The following CHMP5 variants were observed in gnomAD, a reference collection of about 807,000 sequenced individuals.
CHMP5 encodes the protein SNF7 domain containing 2.
Under a neutral mutation model 33.0 loss-of-function variants are expected in CHMP5, and 17 were observed. The observed-to-expected ratio is 0.52, with a 90% CI of 0.35 to 0.77. CHMP5 has a LOEUF of 0.77. Ranked by LOEUF, CHMP5 falls within the 30% of genes least tolerant of loss-of-function variation. The pLI, the probability that CHMP5 is intolerant of heterozygous loss-of-function variation, is 0.01. For missense variants in CHMP5, 216 were observed against 261.5 expected (o/e 0.83, Z 1.20); for synonymous variants, 76 against 90.2 (o/e 0.84, Z 0.89).
At chr9:33,265,221 C>T in intron 1 of CHMP5, 74 bp downstream of exon 1, 2 of 1,334,242 alleles carry the variant, frequency 1.5e-6, no homozygotes, top group South Asian at 2.3e-5. Context: ...CAGCCCCGGG[C>T]CCATATTCTT....
intron 3 of CHMP5, among the ~76,000 whole-genome samples, chr9:33,270,285 T>C (rs529049253): frequency 7.2e-5 from 11 of 152,186 alleles, no homozygotes; most frequent in Non-Finnish European, 1.6e-4. Flanking sequence ...ATAGCTTAGG[T>C]GAATAGTGGG....
chr9:33,271,831 C>G (rs1820797653), intron 5 of CHMP5, among the ~76,000 whole-genome samples: 1 of 152,074 alleles, frequency 6.6e-6, no homozygotes, highest in Non-Finnish European at 1.5e-5. Flanking sequence ...CAATGCCTGG[C>G]CTATGATAAG....
chr9:33,274,471 G>T (rs1177080523), intron 5 of CHMP5, among the ~76,000 whole-genome samples: 1 of 152,154 alleles, frequency 6.6e-6, no homozygotes, highest in Non-Finnish European at 1.5e-5. Context: ...GTTCCTGTCT[G>T]TGTGGAATTT....
chr9:33,277,621 T>A (rs1045942275), intron 6 of CHMP5, among the ~76,000 whole-genome samples: 2 of 152,174 alleles, frequency 1.3e-5, no homozygotes, highest in Non-Finnish European at 2.9e-5. Flanking sequence ...GTGGACAGAT[T>A]GAAGACATCT....
chr9:33,266,886 T>C (rs1231594289), intron 2 of CHMP5, among the ~76,000 whole-genome samples: 1 of 152,196 alleles, frequency 6.6e-6, no homozygotes, highest in Non-Finnish European at 1.5e-5. Flanking sequence ...TATTTTCCAC[T>C]CCTGTTAGGT....
intron 6 of CHMP5, among the ~76,000 whole-genome samples, chr9:33,277,190 CAAAAAAAAAA>C (rs59657807): frequency 3.7e-5 from 2 of 53,378 alleles, no homozygotes; most frequent in Admixed American, 2.1e-4. Flanking sequence ...GACCTTCTCT[CAAAAAAAAAA>C]AAAAAAAAAA....
intron 5 of CHMP5, among the ~76,000 whole-genome samples, chr9:33,276,184 C>A (rs1010429651): frequency 6.6e-6 from 1 of 152,120 alleles, no homozygotes; most frequent in African/African-American, 2.4e-5. Context: ...TTCTCTCATA[C>A]TTTTAATTAG....
intron 7 of CHMP5, among the ~76,000 whole-genome samples, chr9:33,278,469 C>A (rs549270570): frequency 1.3e-5 from 2 of 152,292 alleles, no homozygotes; most frequent in South Asian, 4.1e-4. Flanking sequence ...TACATGATCA[C>A]CCTTGTTGTG....
At chr9:33,279,081 T>C (rs1033384115) in intron 7 of CHMP5, among the ~76,000 whole-genome samples, 11 of 152,236 alleles carry the variant, frequency 7.2e-5, no homozygotes, top group African/African-American at 2.6e-4. Context: ...CGCGCCAACA[T>C]GCCTGGCTAA....
chr9:33,277,902 A>G (rs1181265618), intron 6 of CHMP5: 3 of 447,098 alleles, frequency 6.7e-6, no homozygotes, highest in African/African-American at 1.9e-5. Context: ...ATAAGTCTCT[A>G]CCTGCTATTG....
At chr9:33,272,091 G>C (rs547643042) in intron 5 of CHMP5, among the ~76,000 whole-genome samples, 9 of 152,056 alleles carry the variant, frequency 5.9e-5, no homozygotes, top group Non-Finnish European at 1.3e-4. Context: ...ATTGGGTTTT[G>C]ACCAGGGAGA....
At chr9:33,278,851 G>A (rs557030963) in intron 7 of CHMP5, among the ~76,000 whole-genome samples, 5 of 152,170 alleles carry the variant, frequency 3.3e-5, no homozygotes, top group Middle Eastern at 3.4e-3. Context: ...AGTATCTCAC[G>A]TAATTGTTGT....
intron 3 of CHMP5, among the ~76,000 whole-genome samples, chr9:33,270,354 C>G (rs1205891375): frequency 1.3e-5 from 2 of 152,114 alleles, no homozygotes; most frequent in Admixed American, 1.3e-4. Flanking sequence ...GATGAAAGTG[C>G]CTAACAACAT....
chr9:33,272,004 T>C (rs1445017397), intron 5 of CHMP5, among the ~76,000 whole-genome samples: 1 of 152,184 alleles, frequency 6.6e-6, no homozygotes, highest in Non-Finnish European at 1.5e-5. Context: ...GTAGACTTGG[T>C]TCCCTTTTCT....
In CHMP5 at chr9:33,280,992, CTT is replaced by C; in HGVS notation, c.*136_*137del. On this transcript the variant is annotated 3_prime_UTR_variant, in exon 8 of 8. Coordinates refer to ENST00000223500, the MANE Select transcript of CHMP5 (RefSeq NM_016410.6). ...TGAAGGAAAGTTTAATTACATTGCTCTTTTATTTTTTCCATTAAGAGACTCAT... is the reference window on the plus strand; with the variant it reads ...TGAAGGAAAGTTTAATTACATTGCTCTTATTTTTTCCATTAAGAGACTCAT... 1 of 593,706 alleles carries C rather than the reference CTT, an allele frequency of 1.7e-6. No homozygotes were observed. The highest frequency in any genetic ancestry group is 2.8e-6 in the Non-Finnish European group (1 of 354,992). The allele number at this position is 593,706 out of a possible 1,614,324, so 36.8% of individuals were successfully genotyped here. A position where few individuals can be genotyped will look rare whatever the true frequency, so the allele number is the denominator to read the frequency against.
chr9:33,280,334 C>G (rs930379774), intron 7 of CHMP5, among the ~76,000 whole-genome samples: 8 of 152,064 alleles, frequency 5.3e-5, no homozygotes, highest in Admixed American at 2.6e-4. Context: ...GCAGAGCAGC[C>G]CTGGTGTTTT....
At position 33,280,833 on chromosome 9, in the gene CHMP5, G is replaced by C. The variant is rs1285826983; in HGVS notation, c.634G>C (p.Gly212Arg). The C allele has an allele frequency of 6.2e-7, 1 of 1,611,520 alleles. No individual in the cohort carries two copies. Among genetic ancestry groups the C allele is most frequent in the African/African-American group, 1.3e-5 (1 of 74,806 alleles). ...GGATGGAGTTCTGGTGGATGAATTTGGATTGCCACAGATCCCTGCTTCATA... is the reference window on the plus strand; with the variant it reads ...GGATGGAGTTCTGGTGGATGAATTTCGATTGCCACAGATCCCTGCTTCATA... Reference protein sequence around the residue: ...NKDGVLVDEFGLPQIPAS With the variant: ...NKDGVLVDEFRLPQIPAS The change falls in exon 8 of 8, where the codon GGA becomes CGA. Residue 212 changes from glycine to arginine, a missense_variant. By Grantham distance (125) the Gly-to-Arg change is moderately radical. Transcript: ENST00000223500.
chr9:33,274,761 G>A (rs374992133), intron 5 of CHMP5, among the ~76,000 whole-genome samples: 4 of 152,036 alleles, frequency 2.6e-5, no homozygotes, highest in East Asian at 1.9e-4. Context: ...GATTACAGGC[G>A]CATGCCACCA....
chr9:33,266,183 C>A, intron 2 of CHMP5, 69 bp downstream of exon 2: 1 of 1,044,190 alleles, frequency 9.6e-7, no homozygotes, highest in Non-Finnish European at 1.5e-6. Context: ...AGAAATAGGG[C>A]CTAGTTCGGC....
Sources: gnomAD v4.1 joint callset for allele counts (sites outside exome capture counted in the v4.1 genomes callset) on GRCh38, gnomAD v4.1.1 for gene constraint, MANE v1.5 for transcripts, NCBI Gene and HGNC (gene_info 2026-07-23, HGNC 2026-07-21) for gene names.